GLG1: variants seen among roughly 807,000 people sequenced by gnomAD.
The protein encoded by GLG1 is golgi glycoprotein 1, also known as Golgi apparatus protein 1.
GLG1 carries 38 observed loss-of-function variants against 160.5 expected under a neutral mutation model. The observed-to-expected ratio is 0.24, with a 90% CI of 0.18 to 0.31. The LOEUF is 0.31. Among genes scored for constraint, GLG1 ranks in the 10% least tolerant of loss-of-function variants. GLG1 has a pLI of 1.00. For synonymous variants in GLG1, 644 were observed against 543.4 expected (o/e 1.19, Z -2.57); for missense variants, 1,373 against 1,505.2 (o/e 0.91, Z 1.45).
At position 74,462,645 on chromosome 16, in the gene GLG1, A is replaced by C. The variant is rs760862084; in HGVS notation, c.2792-15T>G. The C allele has an allele frequency of 6.2e-7, 1 of 1,613,630 alleles. No homozygotes were observed. Among genetic ancestry groups the C allele is most frequent in the South Asian group, 1.1e-5 (1 of 91,044 alleles). On this transcript the variant is annotated splice_polypyrimidine_tract_variant and intron_variant, in intron 20 of 25. Transcript: ENST00000422840. ...TAAGCGGTAATCTAGAGTAGAAAGC[A>C]GTGAGCATGTGACAAAACATTCCAC... is the stretch of plus-strand genomic sequence containing the variant.
Position 74,526,187 on chromosome 16 carries a change from T to C in GLG1, c.471+5934A>G, listed in dbSNP as rs553810398. ...TAAAATATAACATAATGGAAGGTCATTGTACTCTCCAAGGGAGAAAGAGAA... is the reference window on the plus strand; with the variant it reads ...TAAAATATAACATAATGGAAGGTCACTGTACTCTCCAAGGGAGAAAGAGAA... On this transcript the variant is annotated intron_variant, in intron 2 of 25. Transcript: ENST00000422840. Among the ~76,000 whole-genome samples the C allele has an allele frequency of 1.1e-3, 167 of 151,650 alleles. 3 individuals are homozygous for C. The South Asian group carries it at 0.027, about 24-fold the overall frequency.
In GLG1 at chr16:74,578,488, G is replaced by C. The variant is rs1367346623; in HGVS notation, c.438+28169C>G. On this transcript the variant is annotated intron_variant, in intron 1 of 25. Transcript: ENST00000422840. ...TGTCTAATTTTTTTAAAAAAATCAA[G>C]AGAACAGCTTACACATTCTATTTAA... Among the ~76,000 whole-genome samples, 4 of 152,116 alleles carry C rather than the reference G, an allele frequency of 2.6e-5. No homozygotes were observed. In the East Asian group the frequency reaches 7.7e-4, roughly 29 times the overall value.
chr16:74,496,140 T>C (rs1489310453), intron 5 of GLG1, among the ~76,000 whole-genome samples: 1 of 152,064 alleles, frequency 6.6e-6, no homozygotes, highest in African/African-American at 2.4e-5. Context: ...AGATGGTGCT[T>C]GCCTATGGTT....
chr16:74,453,108 C>A lies in GLG1; in HGVS notation c.*59G>T. 6.3e-7 allele frequency: 1 copy of A among 1,585,940 alleles called. No homozygotes were observed. Among genetic ancestry groups the A allele is most frequent in the Non-Finnish European group, 8.6e-7 (1 of 1,166,232 alleles). Reference sequence around the variant, plus strand: ...GAGCGAGGTGAGTGGGGATGCTATACAAGAGGGCTGTACAAACTGGGCACT... The same window carrying A: ...GAGCGAGGTGAGTGGGGATGCTATAAAAGAGGGCTGTACAAACTGGGCACT... On this transcript the variant is annotated 3_prime_UTR_variant, in exon 26 of 26. Transcript: ENST00000422840.
intron 14 of GLG1, among the ~76,000 whole-genome samples, chr16:74,471,556 T>C (rs1423330089): frequency 1.3e-5 from 2 of 152,144 alleles, no homozygotes; most frequent in Non-Finnish European, 2.9e-5. Context: ...GGACAATATC[T>C]AACATAGCCT....
At chr16:74,490,893 A>C in intron 8 of GLG1, 108 bp downstream of exon 8, 1 of 740,442 alleles carries the variant, frequency 1.4e-6, no homozygotes, top group Non-Finnish European at 2.4e-6. Flanking sequence ...CTAATGTTCA[A>C]TGTGATACCA....
intron 1 of GLG1, among the ~76,000 whole-genome samples, chr16:74,568,647 A>G (rs897354309): frequency 2.0e-5 from 3 of 151,916 alleles, no homozygotes; most frequent in Non-Finnish European, 4.4e-5. Context: ...AGAACTCCTG[A>G]TATCAGGTGA....
chr16:74,584,596 G>T (rs1351866670), intron 1 of GLG1, among the ~76,000 whole-genome samples: 1 of 152,208 alleles, frequency 6.6e-6, no homozygotes, highest in African/African-American at 2.4e-5. Flanking sequence ...TTGGGGTAGA[G>T]GGTGGGAAGC....
Position 74,453,222 on chromosome 16 carries a change from C to T in GLG1, c.3485G>A (p.Gly1162Asp). 3 of 1,613,940 alleles carry T rather than the reference C, an allele frequency of 1.9e-6. No individual in the cohort carries two copies. The highest frequency in any genetic ancestry group is 2.5e-6 in the Non-Finnish European group (3 of 1,179,934). Residue 1162 changes from glycine to aspartate, a missense_variant, in exon 26 of 26, where the codon GGC becomes GAC. Around this residue, in one of 4 missense-constraint regions of GLG1, gnomAD observed 491 missense variants for 632.1 expected, o/e 0.78. Transcript: ENST00000422840. ...CTTGGTGATCCGTCCACACATCAGG[C>T]CAATCAGGAACAATATACAGATGCT... ...SGSICILFLIGLMCGRITKRV... is the reference protein window; with the variant it reads ...SGSICILFLIDLMCGRITKRV...
At chr16:74,465,510 T>A (rs1249562215) in intron 19 of GLG1, among the ~76,000 whole-genome samples, 166 bp downstream of exon 19, 1 of 152,134 alleles carries the variant, frequency 6.6e-6, no homozygotes, top group Non-Finnish European at 1.5e-5. Flanking sequence ...ATTCAGCAGA[T>A]CTGGAGGGGG....
chr16:74,507,278 AC>A (rs1165273574), intron 3 of GLG1, among the ~76,000 whole-genome samples: 1 of 152,218 alleles, frequency 6.6e-6, no homozygotes, highest in Non-Finnish European at 1.5e-5. Context: ...TTATATGGAA[AC>A]CAGCCTAATG....
chr16:74,516,733 C>T (rs2016990032), intron 2 of GLG1, among the ~76,000 whole-genome samples: 1 of 152,004 alleles, frequency 6.6e-6, no homozygotes, highest in African/African-American at 2.4e-5. Flanking sequence ...GACAGAGACA[C>T]AAAAAACCCT....
chr16:74,537,327 G>A (rs956634790), intron 1 of GLG1, among the ~76,000 whole-genome samples: 1 of 152,028 alleles, frequency 6.6e-6, no homozygotes, highest in Non-Finnish European at 1.5e-5. Context: ...CTTCAATAAA[G>A]AACATGATGA....
At chr16:74,561,818 A>G (rs1193912820) in intron 1 of GLG1, among the ~76,000 whole-genome samples, 1 of 152,184 alleles carries the variant, frequency 6.6e-6, no homozygotes, top group Non-Finnish European at 1.5e-5. Context: ...TAAATCTTCC[A>G]TTATTAAAAG....
At chr16:74,548,844 G>A (rs992253325) in intron 1 of GLG1, among the ~76,000 whole-genome samples, 6 of 152,030 alleles carry the variant, frequency 3.9e-5, no homozygotes, top group African/African-American at 7.2e-5. Flanking sequence ...AAAAATAGAA[G>A]AATTAGCTGG....
intron 2 of GLG1, among the ~76,000 whole-genome samples, chr16:74,514,918 G>A (rs1447604330): frequency 6.6e-6 from 1 of 151,910 alleles, no homozygotes. Context: ...GACACACATA[G>A]GCTCAAAATA....
chr16:74,494,353 C>T (rs967960315), intron 6 of GLG1, among the ~76,000 whole-genome samples: 3 of 149,026 alleles, frequency 2.0e-5, no homozygotes, highest in Non-Finnish European at 3.0e-5. Context: ...CAGTCATTTA[C>T]GTTTCGGTAT....
At position 74,503,682 on chromosome 16, in the gene GLG1, C is replaced by T. The variant is rs1461879679; in HGVS notation, c.623G>A (p.Arg208Gln). 3 of 1,613,046 alleles carry T rather than the reference C, an allele frequency of 1.9e-6. No homozygotes were observed. The highest frequency in any genetic ancestry group is 1.7e-6 in the Non-Finnish European group (2 of 1,179,020). The change falls in exon 4 of 26, where the codon CGA (arginine) becomes CAA (glutamine). Residue 208 changes from arginine to glutamine, a missense_variant. This residue lies in a region of GLG1 where 174 missense variants were observed against 229.9 expected (regional missense o/e 0.76). Coordinates refer to ENST00000422840, the MANE Select transcript of GLG1 (RefSeq NM_001145667.2). ...ACACTGATACTCAGTGATGTTGCCT[C>T]GGTGATCCACCAAGCAGGAAACCAT... ...GYMVSCLVDH[R>Q]GNITEYQCHQ...
At chr16:74,591,458 C>T (rs1001631971) in intron 1 of GLG1, among the ~76,000 whole-genome samples, 12 of 152,114 alleles carry the variant, frequency 7.9e-5, no homozygotes, top group Admixed American at 3.3e-4. Flanking sequence ...GAAATCCCAT[C>T]TCTACTAAAA....
Sources: allele counts gnomAD v4.1 joint callset (sites outside exome capture counted in the v4.1 genomes callset), GRCh38; gene constraint gnomAD v4.1.1; regional missense constraint gnomAD v4.1.1; transcripts MANE v1.5; gene names NCBI Gene and HGNC (gene_info 2026-07-23, HGNC 2026-07-21).